The following OGDH variants were observed in gnomAD, a reference collection of about 807,000 sequenced individuals.
The protein encoded by OGDH is oxoglutarate dehydrogenase.
Under a neutral mutation model 116.6 loss-of-function variants are expected in OGDH, and 38 were observed. The observed-to-expected ratio is 0.33, with a 90% CI of 0.25 to 0.43. The LOEUF is 0.43. OGDH is among the 20% of genes least tolerant of loss of function. The probability of loss-of-function intolerance (pLI) is 1.00; values close to 1 mark genes in which losing one functional copy is unlikely to be tolerated. For synonymous variants in OGDH, 488 were observed against 533.3 expected (o/e 0.92, Z 1.17); for missense variants, 825 against 1,357.2 (o/e 0.61, Z 6.16).
At chr7:44,659,374 T>A (rs985284823) in intron 4 of OGDH, among the ~76,000 whole-genome samples, 1 of 152,216 alleles carries the variant, frequency 6.6e-6, no homozygotes, top group Non-Finnish European at 1.5e-5. Context: ...TTGTACTATC[T>A]TTGCTTTTGG....
At chr7:44,636,539 C>G (rs1785678119) in intron 2 of OGDH, among the ~76,000 whole-genome samples, 1 of 152,220 alleles carries the variant, frequency 6.6e-6, no homozygotes, top group Non-Finnish European at 1.5e-5. Flanking sequence ...CAGGCTGCTC[C>G]CTCAGAAAGG....
At chr7:44,654,842 A>G (rs912661055) in intron 4 of OGDH, among the ~76,000 whole-genome samples, 1 of 152,116 alleles carries the variant, frequency 6.6e-6, no homozygotes, top group African/African-American at 2.4e-5. Flanking sequence ...ACTGTGGCCA[A>G]ATCTCCATCC....
chr7:44,620,197 T>C (rs1433596600), intron 1 of OGDH, among the ~76,000 whole-genome samples: 1 of 152,228 alleles, frequency 6.6e-6, no homozygotes, highest in Non-Finnish European at 1.5e-5. Flanking sequence ...ATTTTTGTAT[T>C]TTTAGTAGAA....
chr7:44,619,672 T>A (rs1231458226), intron 1 of OGDH, among the ~76,000 whole-genome samples: 1 of 152,142 alleles, frequency 6.6e-6, no homozygotes, highest in African/African-American at 2.4e-5. Context: ...TACTGTTGTT[T>A]CTACTGTTTC....
At chr7:44,609,339 CAA>C (rs1185554089) in intron 1 of OGDH, among the ~76,000 whole-genome samples, 24 of 81,566 alleles carry the variant, frequency 2.9e-4, no homozygotes, top group African/African-American at 2.9e-4. Context: ...CTCGTCTCTA[CAA>C]AAAAAAAAAA....
chr7:44,677,603 T>G (rs1787754766), intron 9 of OGDH, among the ~76,000 whole-genome samples: 1 of 152,058 alleles, frequency 6.6e-6, no homozygotes, highest in African/African-American at 2.4e-5. Context: ...GTGCGGTGGC[T>G]CACGCCTGTA....
intron 2 of OGDH, among the ~76,000 whole-genome samples, chr7:44,631,817 C>T (rs1242882316): frequency 6.6e-6 from 1 of 152,042 alleles, no homozygotes; most frequent in Admixed American, 6.6e-5. Flanking sequence ...CTCTCTCTCT[C>T]TCCCCCTCTC....
rs762077782 is a variant in OGDH, at chr7:44,645,318, T to C, written c.223-9T>C. The C allele has an allele frequency of 6.2e-7, 1 of 1,613,272 alleles. No homozygotes were observed. ...CAGTGAGGTAACCCTGTACCTTCTTTGTCTTTAGTCATGGGACATTTTTTT... is the reference window on the plus strand; with the variant it reads ...CAGTGAGGTAACCCTGTACCTTCTTCGTCTTTAGTCATGGGACATTTTTTT... On this transcript the variant is annotated splice_polypyrimidine_tract_variant and intron_variant, in intron 2 of 22. Transcript: ENST00000222673.
At chr7:44,706,466 CAT>C in intron 20 of OGDH, among the ~76,000 whole-genome samples, 21 of 150,330 alleles carry the variant, frequency 1.4e-4, no homozygotes, top group Non-Finnish European at 3.0e-4. Flanking sequence ...AGATTACAGG[CAT>C]GCGCCACCAT....
chr7:44,673,547 G>T lies in OGDH; in HGVS notation c.634-240G>T, dbSNP rs149691574. 3.5e-3 allele frequency among the ~76,000 whole-genome samples: 527 copies of T among 152,272 alleles called. 2 individuals are homozygous for T. The highest frequency in any genetic ancestry group is 0.012 in the African/African-American group (504 of 41,564). ...TTGTCCCTTGGCCTGCCCTTGGAAG[G>T]CTAGGAGGTTCTCTGTGTACAAGTG... On this transcript the variant is annotated intron_variant, in intron 5 of 22. Coordinates refer to ENST00000222673, the MANE Select transcript of OGDH (RefSeq NM_002541.4).
chr7:44,661,611 T>G (rs1006235066), intron 4 of OGDH, among the ~76,000 whole-genome samples: 1 of 152,142 alleles, frequency 6.6e-6, no homozygotes, highest in African/African-American at 2.4e-5. Context: ...TTTTTGGGTT[T>G]TTTTTTGAGA....
intron 1 of OGDH, among the ~76,000 whole-genome samples, chr7:44,608,559 C>T (rs1784444224): frequency 6.6e-6 from 1 of 151,978 alleles, no homozygotes; most frequent in South Asian, 2.1e-4. Context: ...GTTAGCAGGG[C>T]ATGGTGGCGT....
Position 44,692,994 on chromosome 7 carries a change from T to C in OGDH, c.1336-831T>C, listed in dbSNP as rs1287955764. On this transcript the variant is annotated intron_variant, in intron 10 of 22. Transcript: ENST00000222673. The stretch of plus-strand genomic sequence containing the variant: ...GCACTCCAGTCTGGTTGACAGACCA[T>C]GACTCTCTCTTTAAAAAAAAAAAAA... 2.1e-5 allele frequency among the ~76,000 whole-genome samples: 3 copies of C among 144,086 alleles called. No homozygotes were observed. In the Admixed American group the frequency reaches 2.1e-4, roughly 10 times the overall value. 94.5% of individuals were successfully genotyped at this position (144,086 alleles called of 152,430 possible).
At chr7:44,607,026 C>G (rs994784386) in intron 1 of OGDH, among the ~76,000 whole-genome samples, 2 of 152,176 alleles carry the variant, frequency 1.3e-5, no homozygotes, top group African/African-American at 2.4e-5. Context: ...CCCCCAAGGT[C>G]GCCGCGGGCG....
At chr7:44,643,700 C>T (rs1786049481) in intron 2 of OGDH, among the ~76,000 whole-genome samples, 3 of 152,202 alleles carry the variant, frequency 2.0e-5, no homozygotes, top group African/African-American at 7.2e-5. Flanking sequence ...GGTCTCCAGA[C>T]TCAGACAGAC....
chr7:44,670,938 G>A (rs534631049), intron 5 of OGDH, among the ~76,000 whole-genome samples: 55 of 149,772 alleles, frequency 3.7e-4, no homozygotes, highest in African/African-American at 1.3e-3. Context: ...ATGAACCCGG[G>A]AGGCAGAGCT....
intron 4 of OGDH, among the ~76,000 whole-genome samples, chr7:44,654,748 T>C (rs1786611929): frequency 6.6e-6 from 1 of 152,150 alleles, no homozygotes. Context: ...AGAAGATTCT[T>C]TGACTGGAGA....
At chr7:44,629,585 T>C (rs931409725) in intron 2 of OGDH, among the ~76,000 whole-genome samples, 5 of 146,030 alleles carry the variant, frequency 3.4e-5, no homozygotes, top group Admixed American at 1.4e-4. Flanking sequence ...CTTTTCTTTT[T>C]TTTTTTTTTT....
At chr7:44,671,925 C>T (rs1159755811) in intron 5 of OGDH, among the ~76,000 whole-genome samples, 7 of 151,472 alleles carry the variant, frequency 4.6e-5, no homozygotes, top group East Asian at 1.9e-4. Context: ...AAAAATTAGC[C>T]GGGTGTGGTG....
Sources: gnomAD v4.1 joint callset for allele counts (sites outside exome capture counted in the v4.1 genomes callset) on GRCh38, gnomAD v4.1.1 for gene constraint, MANE v1.5 for transcripts, NCBI Gene and HGNC (gene_info 2026-07-23, HGNC 2026-07-21) for gene names.